Variants in PLCB1 observed in about 807,000 individuals in gnomAD.
The protein encoded by PLCB1 is 1-phosphatidylinositol 4,5-bisphosphate phosphodiesterase beta-1.
A neutral mutation model predicts 161.8 loss-of-function variants in PLCB1; 46 were observed. The observed-to-expected ratio is 0.28, with a 90% CI of 0.22 to 0.36. The LOEUF (loss-of-function observed/expected upper bound fraction) is 0.36. Among genes scored for constraint, PLCB1 ranks in the 10% least tolerant of loss-of-function variants. The pLI is 1.00. For missense variants in PLCB1, 1,016 were observed against 1,472.5 expected, an observed-to-expected ratio of 0.69 and a Z score of 5.07; for synonymous variants, 517 against 503.7, an observed-to-expected ratio of 1.03 and a Z score of -0.35.
At chr20:8,278,690 G>A (rs1347150129) in intron 2 of PLCB1, among the ~76,000 whole-genome samples, 5 of 152,010 alleles carry the variant, frequency 3.3e-5, no homozygotes, top group Admixed American at 6.6e-5. Flanking sequence ...TCTTACAATA[G>A]CAAGGGCACT....
chr20:8,476,763 C>T (rs1982298456), intron 3 of PLCB1, among the ~76,000 whole-genome samples: 1 of 152,008 alleles, frequency 6.6e-6, no homozygotes, highest in Admixed American at 6.6e-5. Flanking sequence ...AATAGACGGG[C>T]CTTGGAATAT....
chr20:8,758,706 T>A (rs1278192750), intron 24 of PLCB1, among the ~76,000 whole-genome samples: 1 of 152,220 alleles, frequency 6.6e-6, no homozygotes, highest in African/African-American at 2.4e-5. Flanking sequence ...TTCTGAAATA[T>A]AAATCCATCA....
chr20:8,169,021 C>G (rs1264180345), intron 2 of PLCB1, among the ~76,000 whole-genome samples: 1 of 152,066 alleles, frequency 6.6e-6, no homozygotes, highest in African/African-American at 2.4e-5. Context: ...GAAAAGGGAT[C>G]AGTCTTTACT....
chr20:8,284,500 G>A (rs927670386), intron 2 of PLCB1, among the ~76,000 whole-genome samples: 7 of 152,156 alleles, frequency 4.6e-5, no homozygotes, highest in Non-Finnish European at 8.8e-5. Flanking sequence ...AGCCTTGGGA[G>A]GCTGAGGTAG....
chr20:8,561,047 C>T (rs1329105149), intron 3 of PLCB1, among the ~76,000 whole-genome samples: 3 of 151,688 alleles, frequency 2.0e-5, no homozygotes, highest in South Asian at 2.1e-4. Context: ...GGATATGGAA[C>T]GAGGAATCAA....
chr20:8,494,443 C>G (rs761268684), intron 3 of PLCB1, among the ~76,000 whole-genome samples: 5 of 152,102 alleles, frequency 3.3e-5, no homozygotes, highest in Non-Finnish European at 7.4e-5. Context: ...ATGCCATGAC[C>G]CAGCAGAATA....
At chr20:8,418,110 G>A (rs1343012317) in intron 3 of PLCB1, among the ~76,000 whole-genome samples, 3 of 152,204 alleles carry the variant, frequency 2.0e-5, no homozygotes, top group Admixed American at 2.0e-4. Flanking sequence ...AAAAGTCAGA[G>A]TTAGGGTCTA....
intron 2 of PLCB1, among the ~76,000 whole-genome samples, chr20:8,173,442 G>A (rs1201905640): frequency 2.6e-5 from 4 of 152,076 alleles, no homozygotes; most frequent in African/African-American, 9.7e-5. Flanking sequence ...CACAGCAAAG[G>A]TTCTGAAAAT....
chr20:8,273,774 C>T (rs1215661070), intron 2 of PLCB1, among the ~76,000 whole-genome samples: 3 of 152,038 alleles, frequency 2.0e-5, no homozygotes, highest in Admixed American at 6.6e-5. Context: ...TTTTAAAAAC[C>T]GGAGTGAGCA....
intron 2 of PLCB1, among the ~76,000 whole-genome samples, chr20:8,213,267 C>G (rs1321454380): frequency 1.3e-5 from 2 of 152,140 alleles, no homozygotes; most frequent in Non-Finnish European, 1.5e-5. Context: ...GGCAGGAATG[C>G]CTGTGCTTTT....
intron 2 of PLCB1, among the ~76,000 whole-genome samples, chr20:8,288,435 AAG>A (rs1207711414): frequency 1.3e-5 from 2 of 152,210 alleles, no homozygotes; most frequent in African/African-American, 2.4e-5. Flanking sequence ...TCTCTGGAGA[AAG>A]AGAGTGAGAA....
chr20:8,879,057 G>A (rs995390686), intron 31 of PLCB1, among the ~76,000 whole-genome samples: 5 of 152,082 alleles, frequency 3.3e-5, no homozygotes. Context: ...AGACTGTGTG[G>A]TATTTGGTTT....
At position 8,737,148 on chromosome 20, in the gene PLCB1, G is replaced by T; in HGVS notation, c.2164G>T (p.Ala722Ser). 8 of 1,613,900 alleles carry T rather than the reference G, an allele frequency of 5.0e-6. No individual in the cohort carries two copies. Among genetic ancestry groups the T allele is most frequent in the Non-Finnish European group, 6.8e-6 (8 of 1,179,846 alleles). Residue 722 changes from alanine to serine, a missense_variant, in exon 20 of 32, where the codon GCT (alanine) becomes TCT (serine). By Grantham distance (99) the Ala-to-Ser change is moderately conservative. Transcript: ENST00000338037. ...AFKTKTSQGN[A>S]VNPVWEEEPI... ...TAAGACCAAAACATCCCAAGGAAAT[G>T]CTGTGAATCCTGTCTGGGAAGAAGA...
At chr20:8,337,944 CAT>C (rs1375954046) in intron 2 of PLCB1, among the ~76,000 whole-genome samples, 1 of 152,114 alleles carries the variant, frequency 6.6e-6, no homozygotes, top group Non-Finnish European at 1.5e-5. Flanking sequence ...ATGGCAAGGA[CAT>C]GTGCTCATTT....
intron 31 of PLCB1, among the ~76,000 whole-genome samples, chr20:8,839,314 T>A (rs932010216): frequency 6.6e-6 from 1 of 152,178 alleles, no homozygotes; most frequent in African/African-American, 2.4e-5. Flanking sequence ...CCTAGTGAGC[T>A]TCTTTCAATT....
intron 9 of PLCB1, among the ~76,000 whole-genome samples, chr20:8,668,472 C>CA (rs757917001): frequency 9.9e-5 from 15 of 152,170 alleles, no homozygotes; most frequent in Non-Finnish European, 2.1e-4. Flanking sequence ...AAAATGAGCC[C>CA]AAAAAATGCT....
chr20:8,862,667 A>T (rs1293068736), intron 31 of PLCB1, among the ~76,000 whole-genome samples: 1 of 152,218 alleles, frequency 6.6e-6, no homozygotes, highest in African/African-American at 2.4e-5. Context: ...TCCAGCCCAA[A>T]CATTTCATAA....
chr20:8,219,496 A>T (rs1979300344), intron 2 of PLCB1, among the ~76,000 whole-genome samples: 1 of 152,148 alleles, frequency 6.6e-6, no homozygotes, highest in Non-Finnish European at 1.5e-5. Context: ...CTCCATAAGG[A>T]AAGCATTTGT....
At chr20:8,693,763 T>C (rs1026406637) in intron 10 of PLCB1, among the ~76,000 whole-genome samples, 4 of 152,214 alleles carry the variant, frequency 2.6e-5, no homozygotes, top group African/African-American at 9.6e-5. Context: ...CTTCTGGTTT[T>C]TTCTATCCCT....
Sources: allele counts gnomAD v4.1 joint callset (sites outside exome capture counted in the v4.1 genomes callset), GRCh38; gene constraint gnomAD v4.1.1; transcripts MANE v1.5; gene names NCBI Gene and HGNC (gene_info 2026-07-23, HGNC 2026-07-21).